Variants in SANBR observed in about 807,000 individuals in gnomAD.
The protein encoded by SANBR is SANT and BTB domain regulator of CSR, also known as SANT and BTB domain regulator of class switch recombination.
SANBR carries 77 observed loss-of-function variants against 101.8 expected under a neutral mutation model. The observed-to-expected ratio is 0.76, with a 90% confidence interval of 0.63 to 0.91. The LOEUF (loss-of-function observed/expected upper bound fraction) is 0.91. Among genes scored for constraint, SANBR ranks in the 40% least tolerant of loss-of-function variants. SANBR has a pLI of 0.00. For missense variants in SANBR, 875 were observed against 853.0 expected, an observed-to-expected ratio of 1.03 and a Z score of -0.32; for synonymous variants, 279 against 274.7, an observed-to-expected ratio of 1.02 and a Z score of -0.15.
At chr2:61,076,293 A>G (rs1455058771) in intron 5 of SANBR, among the ~76,000 whole-genome samples, 1 of 148,450 alleles carries the variant, frequency 6.7e-6, no homozygotes, top group East Asian at 2.1e-4. Flanking sequence ...GTGTGCGGCC[A>G]TAAACTTTAT....
intron 11 of SANBR, among the ~76,000 whole-genome samples, chr2:61,094,327 A>C (rs1682923113): frequency 6.6e-6 from 1 of 152,094 alleles, no homozygotes; most frequent in African/African-American, 2.4e-5. Flanking sequence ...TGTTTTCTCT[A>C]TATATAGTTT....
chr2:61,121,077 A>T (rs1310351355), intron 20 of SANBR, 108 bp from the exon 21 acceptor site: 2 of 827,208 alleles, frequency 2.4e-6, no homozygotes, highest in South Asian at 1.8e-5. Context: ...GACTGGATTT[A>T]AAAAATCAAA....
chr2:61,108,423 A>C (rs1683675379), intron 15 of SANBR, 74 bp downstream of exon 15: 2 of 968,618 alleles, frequency 2.1e-6, no homozygotes, highest in African/African-American at 3.4e-5. Context: ...ATAGAATCTT[A>C]TCAGTATCTT....
chr2:61,082,618 A>T (rs1682194424), intron 7 of SANBR, among the ~76,000 whole-genome samples: 1 of 152,218 alleles, frequency 6.6e-6, no homozygotes, highest in African/African-American at 2.4e-5. Context: ...CAGGAGTTCA[A>T]GACCAGCCTA....
At chr2:61,073,606 A>G in intron 5 of SANBR, 55 bp downstream of exon 5, 1 of 975,146 alleles carries the variant, frequency 1.0e-6, no homozygotes. Context: ...AACTTCATAA[A>G]ATATATGATT....
Position 61,124,269 on chromosome 2 carries a change from T to C in SANBR, c.*2107T>C, listed in dbSNP as rs1684447318. On this transcript the variant is annotated 3_prime_UTR_variant, in exon 22 of 22. Transcript: ENST00000402291. ...CACATTTCTTTAATTGAAATAAATGTTAATGACAAAAGTTGTTTGGAAAGT... is the reference window on the plus strand; with the variant it reads ...CACATTTCTTTAATTGAAATAAATGCTAATGACAAAAGTTGTTTGGAAAGT... 2.1e-6 allele frequency: 2 copies of C among 968,662 alleles called. No homozygotes were observed. Among genetic ancestry groups the C allele is most frequent in the Non-Finnish European group, 1.2e-6 (1 of 814,594 alleles). 60.0% of individuals were successfully genotyped at this position (968,662 alleles called of 1,614,324 possible). A position where few individuals can be genotyped will look rare whatever the true frequency, so the allele number is the denominator to read the frequency against.
rs76201924 is a variant in SANBR, at chr2:61,070,278, G to A, written c.-9-64G>A. ...ATTAGGAATGAATTATAACTGATCTGTAATGTTCTGAAAACATTTGGATTT... is the reference window on the plus strand; with the variant it reads ...ATTAGGAATGAATTATAACTGATCTATAATGTTCTGAAAACATTTGGATTT... On this transcript the variant is annotated intron_variant, in intron 2 of 21. Coordinates refer to ENST00000402291, the MANE Select transcript of SANBR (RefSeq NM_001129993.3). The A allele has an allele frequency of 7.4e-4, 899 of 1,217,470 alleles. 6 individuals carry two copies. In the African/African-American group the frequency reaches 9.6e-3, roughly 13 times the overall value. The allele number at this position is 1,217,470 out of a possible 1,614,324, so 75.4% of individuals were successfully genotyped here. A position where few individuals can be genotyped will look rare whatever the true frequency, so the allele number is the denominator to read the frequency against.
chr2:61,079,801 T>C (rs1306865636), intron 6 of SANBR, among the ~76,000 whole-genome samples: 1 of 151,710 alleles, frequency 6.6e-6, no homozygotes, highest in Non-Finnish European at 1.5e-5. Flanking sequence ...CTCAGGAGGC[T>C]GAGGAGGAGA....
intron 12 of SANBR, among the ~76,000 whole-genome samples, chr2:61,101,844 C>A (rs1024556442): frequency 5.3e-5 from 8 of 151,738 alleles, no homozygotes; most frequent in African/African-American, 1.9e-4. Context: ...CAAGACCAGC[C>A]TGGCCAACAT....
At chr2:61,130,929 C>CAAAAAAA (rs59171411) in intron 20 of SANBR, among the ~76,000 whole-genome samples, 859 of 13,226 alleles carry the variant, frequency 0.065, 359 homozygotes, top group Non-Finnish European at 0.095. Context: ...GACTCTGTCT[C>CAAAAAAA]AAAAAAAAAA....
chr2:61,084,442 A>G (rs1384819961), intron 8 of SANBR, among the ~76,000 whole-genome samples: 1 of 152,094 alleles, frequency 6.6e-6, no homozygotes, highest in Non-Finnish European at 1.5e-5. Context: ...ATATTACTCA[A>G]GAGGCTGAGG....
rs191098385 is a variant in SANBR at position 61,122,759 on chromosome 2, A to G, written c.*597A>G. On this transcript the variant is annotated 3_prime_UTR_variant, in exon 22 of 22. Coordinates refer to ENST00000402291, the MANE Select transcript of SANBR (RefSeq NM_001129993.3). ...AATTTTTTTCAGCATTATATCGTGG[A>G]AAGTACAATGTTAATCCAACTTTTT... 1.0e-6 allele frequency: 1 copy of G among 985,388 alleles called. No individual in the cohort carries two copies. The highest frequency in any genetic ancestry group is 6.1e-5 in the Admixed American group (1 of 16,276). 61.0% of individuals were successfully genotyped at this position (985,388 alleles called of 1,614,324 possible). A position where few individuals can be genotyped will look rare whatever the true frequency, so the allele number is the denominator to read the frequency against.
intron 3 of SANBR, 31 bp from the exon 4 acceptor site, chr2:61,071,575 C>A: frequency 1.4e-6 from 2 of 1,384,276 alleles, no homozygotes; most frequent in Non-Finnish European, 1.9e-6. Context: ...AATTCCCAAA[C>A]CTCTGTTTCT....
intron 12 of SANBR, among the ~76,000 whole-genome samples, chr2:61,100,630 ATAACT>A (rs1237029526): frequency 6.6e-6 from 1 of 152,228 alleles, no homozygotes; most frequent in Non-Finnish European, 1.5e-5. Flanking sequence ...CATTTAGATG[ATAACT>A]TAATTCCAAT....
chr2:61,108,334 C>T lies in SANBR; in HGVS notation c.1629C>T (p.Asn543=). The T allele has an allele frequency of 6.4e-7, 1 of 1,574,740 alleles. No homozygotes were observed. Among genetic ancestry groups the T allele is most frequent in the Non-Finnish European group, 8.6e-7 (1 of 1,156,788 alleles). ...GELNAFLSLK[N]WTLQLKQQSL... ...TCTTGTAGTTCTTGTCATTGAAAAA[C>T]TGGACTCTACAACTGGTAAGTGAGC... is the stretch of plus-strand genomic sequence containing the variant. The change falls in exon 15 of 22, where the codon AAC becomes AAT. Residue 543 remains asparagine, a synonymous_variant. Coordinates refer to ENST00000402291, the MANE Select transcript of SANBR (RefSeq NM_001129993.3).
chr2:61,103,250 C>A (rs1015253661), intron 12 of SANBR, among the ~76,000 whole-genome samples: 2 of 151,566 alleles, frequency 1.3e-5, no homozygotes, highest in Admixed American at 1.3e-4. Context: ...GATCCTCCCA[C>A]CTCAGCTTCC....
At chr2:61,128,170 G>A (rs902802869), downstream of SANBR, among the ~76,000 whole-genome samples, 1 of 151,820 alleles carries the variant, frequency 6.6e-6, no homozygotes, top group Non-Finnish European at 1.5e-5. Context: ...TACTTGGGAG[G>A]TTGAGGCAGG....
intron 1 of SANBR, among the ~76,000 whole-genome samples, chr2:61,068,588 C>A (rs749361747): frequency 2.0e-5 from 3 of 152,190 alleles, no homozygotes; most frequent in Non-Finnish European, 4.4e-5. Context: ...ATAGGTTGCA[C>A]ACTGCTAGAA....
intron 20 of SANBR, among the ~76,000 whole-genome samples, chr2:61,129,455 A>C (rs1684617759): frequency 1.3e-5 from 2 of 151,844 alleles, no homozygotes; most frequent in South Asian, 4.1e-4. Flanking sequence ...AAAAAAAAAA[A>C]CAAGAAAAAA....
Sources: gnomAD v4.1 joint callset for allele counts (sites outside exome capture counted in the v4.1 genomes callset) on GRCh38, gnomAD v4.1.1 for gene constraint, MANE v1.5 for transcripts, NCBI Gene and HGNC (gene_info 2026-07-23, HGNC 2026-07-21) for gene names.